RAB31: variants seen among roughly 807,000 people sequenced by gnomAD.
RAB31 encodes the protein RAB31, member RAS oncogene family.
Under a neutral mutation model 25.6 loss-of-function variants are expected in RAB31, and 21 were observed. The ratio of observed to expected loss-of-function variants is 0.82; its 90% CI spans 0.58 to 1.18. RAB31 has a LOEUF of 1.18. Ranked by LOEUF, RAB31 falls within the 50% of genes most tolerant of loss-of-function variation. RAB31 has a pLI of 0.00. For synonymous variants in RAB31, 87 were observed against 84.0 expected (o/e 1.04, Z -0.20); for missense variants, 196 against 250.1 (o/e 0.78, Z 1.46).
intron 1 of RAB31, chr18:9,758,100 C>A (rs1287791104): frequency 1.3e-5 from 2 of 152,256 alleles, no homozygotes; most frequent in Non-Finnish European, 2.9e-5. Flanking sequence ...GCACAGGGAT[C>A]CCCCATTTCG....
intron 5 of RAB31, among the ~76,000 whole-genome samples, chr18:9,834,455 A>T (rs975012991): frequency 4.6e-5 from 7 of 152,130 alleles, no homozygotes; most frequent in Non-Finnish European, 1.0e-4. Flanking sequence ...CCTGAACAGC[A>T]GGTGGTAGGC....
chr18:9,857,288 T>C (rs2017791), intron 6 of RAB31, among the ~76,000 whole-genome samples: 55,584 of 151,996 alleles, frequency 0.37, 10,807 homozygotes, highest in East Asian at 0.58. Flanking sequence ...AATGTATTAT[T>C]ACCTTTGAAA....
chr18:9,779,187 G>C (rs2068389600), intron 2 of RAB31, among the ~76,000 whole-genome samples: 1 of 152,040 alleles, frequency 6.6e-6, no homozygotes, highest in Non-Finnish European at 1.5e-5. Flanking sequence ...AGTTTTTCCT[G>C]TAAACTAAAA....
intron 1 of RAB31, among the ~76,000 whole-genome samples, chr18:9,763,909 A>C (rs112669967): frequency 0.014 from 2,150 of 152,248 alleles, 52 homozygotes; most frequent in African/African-American, 0.048. Flanking sequence ...AAGCTCTTAC[A>C]GTCCTGGAGC....
At chr18:9,852,657 C>T (rs921666065) in intron 6 of RAB31, among the ~76,000 whole-genome samples, 1 of 151,984 alleles carries the variant, frequency 6.6e-6, no homozygotes, top group Admixed American at 6.5e-5. Flanking sequence ...ATCTATTCAC[C>T]TAGCATTTGG....
At chr18:9,826,417 TA>T (rs139130554) in intron 5 of RAB31, among the ~76,000 whole-genome samples, 1 of 151,874 alleles carries the variant, frequency 6.6e-6, no homozygotes, top group Non-Finnish European at 1.5e-5. Flanking sequence ...TGAAATTATT[TA>T]AAAAAACACA....
At chr18:9,852,371 A>G (rs1241946874) in intron 6 of RAB31, among the ~76,000 whole-genome samples, 1 of 152,248 alleles carries the variant, frequency 6.6e-6, no homozygotes, top group East Asian at 1.9e-4. Context: ...AAAAGTTCAT[A>G]GTTGTCATAA....
At chr18:9,817,256 G>A (rs954644736) in intron 5 of RAB31, among the ~76,000 whole-genome samples, 4 of 152,130 alleles carry the variant, frequency 2.6e-5, no homozygotes, top group African/African-American at 9.7e-5. Context: ...AAGTGGAACC[G>A]AGTCTTATGT....
intron 6 of RAB31, among the ~76,000 whole-genome samples, chr18:9,848,153 C>G (rs2068770752): frequency 6.6e-6 from 1 of 152,206 alleles, no homozygotes; most frequent in Non-Finnish European, 1.5e-5. Flanking sequence ...TGTAAATACA[C>G]AGCCATGGCA....
intron 3 of RAB31, among the ~76,000 whole-genome samples, chr18:9,806,176 C>CA (rs796534698): frequency 1.9e-3 from 202 of 107,160 alleles, no homozygotes; most frequent in African/African-American, 6.0e-3. Context: ...GACTCCGTCT[C>CA]AAAAAAAAAA....
At chr18:9,780,720 C>T (rs185136671) in intron 2 of RAB31, among the ~76,000 whole-genome samples, 4 of 152,296 alleles carry the variant, frequency 2.6e-5, no homozygotes, top group African/African-American at 9.6e-5. Flanking sequence ...CACCTGAAGT[C>T]GGGAGTTCAA....
At chr18:9,774,875 C>T (rs371013887) in intron 1 of RAB31, 42 of 519,564 alleles carry the variant, frequency 8.1e-5, no homozygotes, top group African/African-American at 5.9e-4. Flanking sequence ...AAACAGATTA[C>T]GTGTCTTTTG....
intron 5 of RAB31, among the ~76,000 whole-genome samples, chr18:9,840,779 T>C (rs34138918): frequency 0.1 from 15,933 of 152,238 alleles, 2,101 homozygotes; most frequent in African/African-American, 0.31. Flanking sequence ...TCTGCATTTC[T>C]GCCCAACAGA....
At chr18:9,813,871 A>T (rs2068587562) in intron 3 of RAB31, 149 bp from the exon 4 acceptor site, 1 of 428,370 alleles carries the variant, frequency 2.3e-6, no homozygotes, top group South Asian at 5.7e-5. Flanking sequence ...AAAATAAAAT[A>T]AATAAATAAT....
chr18:9,761,694 C>T (rs1031540759), intron 1 of RAB31, among the ~76,000 whole-genome samples: 6 of 152,198 alleles, frequency 3.9e-5, no homozygotes, highest in Admixed American at 6.5e-5. Flanking sequence ...GCCCTGAGGC[C>T]TCTCTCAGTT....
chr18:9,773,698 C>T lies in RAB31; in HGVS notation c.40-1580C>T, dbSNP rs146919376. 5.6e-3 allele frequency among the ~76,000 whole-genome samples: 850 copies of T among 152,312 alleles called. 10 individuals are homozygous for T. The highest frequency in any genetic ancestry group is 0.019 in the African/African-American group (785 of 41,556). On this transcript the variant is annotated intron_variant, in intron 1 of 6. Coordinates refer to ENST00000578921, the MANE Select transcript of RAB31 (RefSeq NM_006868.4). ...TTTTTGAGACAGAATCTCACTCTGTCACCCAGGCTGAGTGCAGTGGCACAA... is the reference window on the plus strand; with the variant it reads ...TTTTTGAGACAGAATCTCACTCTGTTACCCAGGCTGAGTGCAGTGGCACAA...
chr18:9,850,294 A>AT (rs990357711), intron 6 of RAB31, among the ~76,000 whole-genome samples: 3 of 151,948 alleles, frequency 2.0e-5, no homozygotes, highest in African/African-American at 4.8e-5. Context: ...GATTATTATT[A>AT]TTTTTTTATT....
chr18:9,829,143 C>T (rs892067689), intron 5 of RAB31, among the ~76,000 whole-genome samples: 9 of 152,256 alleles, frequency 5.9e-5, no homozygotes, highest in Middle Eastern at 3.4e-3. Flanking sequence ...AATGAACAGC[C>T]GTGTAAGTGT....
chr18:9,747,850 T>G (rs1238802934), intron 1 of RAB31, among the ~76,000 whole-genome samples: 1 of 152,246 alleles, frequency 6.6e-6, no homozygotes, highest in African/African-American at 2.4e-5. Context: ...GTGAATTTTA[T>G]GCTATGTGAA....
Sources: allele counts gnomAD v4.1 joint callset (sites outside exome capture counted in the v4.1 genomes callset), GRCh38; gene constraint gnomAD v4.1.1; transcripts MANE v1.5; gene names NCBI Gene and HGNC (gene_info 2026-07-23, HGNC 2026-07-21).